IFT172: variants seen among roughly 807,000 people sequenced by gnomAD.
The protein encoded by IFT172 is intraflagellar transport protein 172 homolog.
IFT172 carries 164 observed loss-of-function variants against 248.9 expected under a neutral mutation model. That is an observed-to-expected ratio of 0.66 (90% CI 0.58 to 0.75). The LOEUF (loss-of-function observed/expected upper bound fraction) is 0.75. Among genes scored for constraint, IFT172 ranks in the 30% least tolerant of loss-of-function variants. The probability of loss-of-function intolerance (pLI) is 0.00; values close to 1 mark genes in which losing one functional copy is unlikely to be tolerated. For synonymous variants in IFT172, 729 were observed against 791.6 expected (o/e 0.92, Z 1.33); for missense variants, 1,950 against 2,192.4 (o/e 0.89, Z 2.21).
chr2:27,454,641 C>A lies in IFT172; in HGVS notation c.3391G>T (p.Glu1131Ter). ...ADNCSFEFAF[E>*]LSRLALKHKT... ...TGCTTGAGGGCCAGCCGAGAGAGTT[C>A]AAACGCAAATTCAAAGGAGCTGAAA... is the stretch of plus-strand genomic sequence containing the variant. Residue 1131 changes from glutamate to a stop codon, truncating the protein, a stop_gained, in exon 31 of 48, where the codon GAA becomes TAA. Coordinates refer to ENST00000260570, the MANE Select transcript of IFT172 (RefSeq NM_015662.3). LOFTEE classifies it high-confidence loss of function. The surrounding 1 kb of genome is among the most constrained non-coding windows in gnomAD (Gnocchi z 4.2). 1 of 1,614,056 alleles carries A rather than the reference C, an allele frequency of 6.2e-7. No individual in the cohort carries two copies. Among genetic ancestry groups the A allele is most frequent in the South Asian group, 1.1e-5 (1 of 91,080 alleles).
intron 30 of IFT172, chr2:27,455,249 A>G (rs1666057590): frequency 5.6e-6 from 2 of 354,768 alleles, no homozygotes; most frequent in Non-Finnish European, 1.1e-5. Flanking sequence ...GCTGTGCTCC[A>G]AAGTCATCGT....
In IFT172 at chr2:27,445,610, C is replaced by G. The variant is rs752336429; in HGVS notation, c.4914+135G>C. ...GGGATGCAGTCACAGCCTTTTCTTT[C>G]TATTTTGCTTCTACTTTCACTGAAA... On this transcript the variant is annotated intron_variant, in intron 45 of 47. Transcript: ENST00000260570. This position sits in a 1 kb window ranked among gnomAD's most constrained non-coding sequence, Gnocchi z 4.4. The G allele has an allele frequency of 5.3e-6, 7 of 1,315,078 alleles. No homozygotes were observed. Among genetic ancestry groups the G allele is most frequent in the Non-Finnish European group, 7.3e-6 (7 of 953,584 alleles). The allele number at this position is 1,315,078 out of a possible 1,614,324, so 81.5% of individuals were successfully genotyped here.
chr2:27,470,446 A>AGG (rs1667477441), intron 16 of IFT172, among the ~76,000 whole-genome samples: 1 of 152,168 alleles, frequency 6.6e-6, no homozygotes, highest in Non-Finnish European at 1.5e-5. Flanking sequence ...CTCTACCCAT[A>AGG]CACACACACT....
chr2:27,484,986 G>T, intron 3 of IFT172, 32 bp downstream of exon 3: 1 of 1,238,234 alleles, frequency 8.1e-7, no homozygotes, highest in Non-Finnish European at 1.2e-6. Context: ...CTTCTTTCCT[G>T]GGCCATCCCA....
chr2:27,488,804 G>C (rs548528016), intron 1 of IFT172, among the ~76,000 whole-genome samples: 1 of 152,260 alleles, frequency 6.6e-6, no homozygotes, highest in South Asian at 2.1e-4. Context: ...CAGGTCATTT[G>C]TTTAAAGTAC....
At position 27,461,413 on chromosome 2, in the gene IFT172, C is replaced by A; in HGVS notation, c.2298G>T (p.Gly766=). The change falls in exon 22 of 48, where the codon GGG becomes GGT. Residue 766 remains glycine (G), a synonymous_variant. Transcript: ENST00000260570. Reference sequence around the variant, plus strand: ...TGAGGTAGAGGCTGATGGCTGCTAGCCCATCCCCTTGGCTCTCCTGTAGTT... The same window carrying A: ...TGAGGTAGAGGCTGATGGCTGCTAGACCATCCCCTTGGCTCTCCTGTAGTT... ...AGELQESQGD[G]LAAISLYLKA... is the part of the protein sequence containing the mutation. 6.2e-7 allele frequency: 1 copy of A among 1,614,212 alleles called. No homozygotes were observed. The highest frequency in any genetic ancestry group is 8.5e-7 in the Non-Finnish European group (1 of 1,180,036).
In IFT172 at chr2:27,453,467, C is replaced by T; in HGVS notation, c.3868G>A (p.Gly1290Arg). 3 of 1,614,216 alleles carry T rather than the reference C, an allele frequency of 1.9e-6. No homozygotes were observed. Among genetic ancestry groups the T allele is most frequent in the Non-Finnish European group, 2.5e-6 (3 of 1,180,022 alleles). ...CAGTCCACGGCACGGCTGTACTCTC[C>T]AGCCTGCTCCCAGTGTCGAGCTTGT... Reference protein sequence around the residue: ...VEQARHWEQAGEYSRAVDCYL... With the variant: ...VEQARHWEQAREYSRAVDCYL... Residue 1290 changes from glycine to arginine, a missense_variant, in exon 35 of 48, where the codon GGA (glycine) becomes AGA (arginine). By Grantham distance (125) the Gly-to-Arg change is moderately radical. Transcript: ENST00000260570.
intron 10 of IFT172, among the ~76,000 whole-genome samples, chr2:27,479,193 G>A (rs1262238792): frequency 6.6e-6 from 1 of 152,126 alleles, no homozygotes; most frequent in African/African-American, 2.4e-5. Flanking sequence ...TTTTAGTAGA[G>A]ACGGGGTTTC....
At chr2:27,449,614 C>A (rs768299433) in intron 37 of IFT172, 52 bp from the exon 38 acceptor site, 1 of 1,612,806 alleles carries the variant, frequency 6.2e-7, no homozygotes, top group Non-Finnish European at 8.5e-7. Context: ...TACCAACCCT[C>A]CCGGTAAGAC....
intron 26 of IFT172, 152 bp from the exon 27 acceptor site, chr2:27,458,375 A>C: frequency 2.9e-6 from 2 of 678,186 alleles, no homozygotes; most frequent in South Asian, 1.7e-5. Flanking sequence ...GGGAATTCCA[A>C]GTCCATAAGA....
intron 10 of IFT172, 87 bp downstream of exon 10, chr2:27,479,422 T>C (rs1042940777): frequency 1.3e-6 from 1 of 797,198 alleles, no homozygotes; most frequent in African/African-American, 1.7e-5. Context: ...AAATTTGAAC[T>C]ATGGCTGTGG....
intron 13 of IFT172, 31 bp from the exon 14 acceptor site, chr2:27,476,757 T>C (rs1424951954): frequency 7.4e-7 from 1 of 1,351,128 alleles, no homozygotes; most frequent in Non-Finnish European, 1.1e-6. Flanking sequence ...TAAGGCAAAA[T>C]GGGCTGAGGT....
chr2:27,465,597 G>T, intron 17 of IFT172, 79 bp from the exon 18 acceptor site: 1 of 1,539,626 alleles, frequency 6.5e-7, no homozygotes, highest in Non-Finnish European at 9.0e-7. Context: ...GATGGGGCAA[G>T]GGGAGGGGGA....
intron 42 of IFT172, 23 bp from the exon 43 acceptor site, chr2:27,446,378 A>G (rs1402466700): frequency 3.7e-6 from 6 of 1,608,782 alleles, no homozygotes; most frequent in Non-Finnish European, 5.1e-6. Flanking sequence ...TCAAAGCATT[A>G]TGAATATGGC....
At chr2:27,471,306 C>T in intron 15 of IFT172, 1 of 421,574 alleles carries the variant, frequency 2.4e-6, no homozygotes, top group Non-Finnish European at 4.1e-6. Context: ...GATCTACATC[C>T]CAGGAATTTT....
At chr2:27,473,748 G>A (rs1319258102) in intron 14 of IFT172, among the ~76,000 whole-genome samples, 2 of 152,068 alleles carry the variant, frequency 1.3e-5, no homozygotes, top group Admixed American at 6.6e-5. Flanking sequence ...GAAGGTCTAC[G>A]ATTTTAGATA....
At chr2:27,464,455 C>T (rs1296641059) in intron 18 of IFT172, among the ~76,000 whole-genome samples, 1 of 152,152 alleles carries the variant, frequency 6.6e-6, no homozygotes, top group Non-Finnish European at 1.5e-5. Context: ...GATTTGAATT[C>T]AAGGAGTCTG....
chr2:27,484,922 G>A, intron 3 of IFT172, 96 bp downstream of exon 3: 1 of 768,134 alleles, frequency 1.3e-6, no homozygotes, highest in Non-Finnish European at 2.3e-6. Context: ...GCCAAGCTTG[G>A]CTTCTCATCC....
intron 14 of IFT172, among the ~76,000 whole-genome samples, chr2:27,476,161 A>G (rs942301445): frequency 2.0e-5 from 3 of 152,012 alleles, no homozygotes; most frequent in Admixed American, 6.5e-5. Flanking sequence ...CTATGAAGTG[A>G]AAACAGGAAA....
Sources: allele counts gnomAD v4.1 joint callset (sites outside exome capture counted in the v4.1 genomes callset), GRCh38; gene constraint gnomAD v4.1.1; non-coding constraint Gnocchi (gnomAD v3.1); transcripts MANE v1.5; gene names NCBI Gene and HGNC (gene_info 2026-07-23, HGNC 2026-07-21).